ZFHX3: variants seen among roughly 807,000 people sequenced by gnomAD.
ZFHX3 encodes the protein zinc finger homeobox 3.
In ZFHX3, 42 loss-of-function variants were observed where a neutral mutation model predicts 279.1. The ratio of observed to expected loss-of-function variants is 0.15; its 90% CI spans 0.12 to 0.19. The LOEUF is 0.19. ZFHX3 is among the 10% of genes least tolerant of loss of function. ZFHX3 has a pLI of 1.00. For synonymous variants in ZFHX3, 2,293 were observed against 1,957.8 expected (o/e 1.17, Z -4.52); for missense variants, 4,981 against 4,754.0 (o/e 1.05, Z -1.40).
intron 4 of ZFHX3, among the ~76,000 whole-genome samples, chr16:73,275,304 A>G (rs2014264917): frequency 6.6e-6 from 1 of 152,160 alleles, no homozygotes; most frequent in Admixed American, 6.6e-5. Context: ...GTGTGAATTT[A>G]CCATGCCCTC....
chr16:72,835,838 G>T (rs2037178774), intron 4 of ZFHX3, among the ~76,000 whole-genome samples: 1 of 152,104 alleles, frequency 6.6e-6, no homozygotes, highest in Non-Finnish European at 1.5e-5. Flanking sequence ...TGGAAAACGA[G>T]GGCAGAACAC....
At chr16:73,183,912 A>G (rs1967854122) in intron 5 of ZFHX3, among the ~76,000 whole-genome samples, 1 of 152,012 alleles carries the variant, frequency 6.6e-6, no homozygotes, top group Admixed American at 6.5e-5. Context: ...GCCCTGGAAT[A>G]TCATGGCCTG....
intron 4 of ZFHX3, among the ~76,000 whole-genome samples, chr16:72,874,768 G>C (rs2038266032): frequency 6.6e-6 from 1 of 152,106 alleles, no homozygotes; most frequent in East Asian, 1.9e-4. Context: ...TGCTGGCATT[G>C]CCGGCGTAAG....
At chr16:73,637,461 G>A (rs1011642906) in intron 2 of ZFHX3, among the ~76,000 whole-genome samples, 2 of 151,966 alleles carry the variant, frequency 1.3e-5, no homozygotes, top group African/African-American at 4.8e-5. Context: ...TTGAACTCCT[G>A]ACCTCGGGTG....
intron 3 of ZFHX3, among the ~76,000 whole-genome samples, chr16:73,406,674 C>A (rs1302139336): frequency 6.6e-6 from 1 of 152,202 alleles, no homozygotes; most frequent in East Asian, 1.9e-4. Context: ...CTGCCCAAAT[C>A]CTGCCTGTAT....
At chr16:72,867,760 T>C (rs1403131549) in intron 4 of ZFHX3, among the ~76,000 whole-genome samples, 2 of 151,960 alleles carry the variant, frequency 1.3e-5, no homozygotes, top group East Asian at 3.9e-4. Flanking sequence ...GGATGCTGTC[T>C]GTGCCCAGGC....
chr16:73,373,142 T>TG (rs35207219), intron 3 of ZFHX3, among the ~76,000 whole-genome samples: 20 of 150,772 alleles, frequency 1.3e-4, no homozygotes, highest in East Asian at 5.9e-4. Flanking sequence ...TGAGGAGGTT[T>TG]GGGGGGGGGG....
intron 2 of ZFHX3, among the ~76,000 whole-genome samples, chr16:73,589,235 G>A (rs1294489957): frequency 8.0e-6 from 1 of 124,760 alleles, no homozygotes; most frequent in East Asian, 2.5e-4. Context: ...ACTCCAGCCT[G>A]GGCGACAGAG....
At chr16:73,296,877 A>ATGTTTTTTTTTTTTTTTTTTTTTT (rs755308796) in intron 4 of ZFHX3, among the ~76,000 whole-genome samples, 1 of 116,068 alleles carries the variant, frequency 8.6e-6, no homozygotes, top group African/African-American at 3.5e-5. Flanking sequence ...TGAAGCAGGA[A>ATGTTTTTTTTTTTTTTTTTTTTTT]TTTTTTTTTT....
At chr16:73,832,238 T>A (rs1350002589) in intron 1 of ZFHX3, among the ~76,000 whole-genome samples, 1 of 151,772 alleles carries the variant, frequency 6.6e-6, no homozygotes, top group East Asian at 1.9e-4. Flanking sequence ...CTTGAAGCCA[T>A]TGGTTTTTGA....
At chr16:73,394,652 A>T (rs1293559117) in intron 3 of ZFHX3, among the ~76,000 whole-genome samples, 2 of 152,180 alleles carry the variant, frequency 1.3e-5, no homozygotes, top group Non-Finnish European at 2.9e-5. Flanking sequence ...GGACAAAGAT[A>T]TGCTTGTAAT....
intron 2 of ZFHX3, among the ~76,000 whole-genome samples, chr16:73,553,100 C>G (rs989807074): frequency 4.6e-5 from 7 of 151,954 alleles, no homozygotes; most frequent in African/African-American, 1.7e-4. Flanking sequence ...CTCATTGGCT[C>G]CATGAGAAAA....
chr16:73,030,553 C>G (rs1432599881), intron 1 of ZFHX3, among the ~76,000 whole-genome samples: 1 of 151,986 alleles, frequency 6.6e-6, no homozygotes, highest in Non-Finnish European at 1.5e-5. Context: ...GGCAAAGTGT[C>G]TACAGCTCTA....
intron 1 of ZFHX3, among the ~76,000 whole-genome samples, chr16:72,965,378 G>C (rs1356589482): frequency 6.6e-6 from 1 of 152,160 alleles, no homozygotes; most frequent in Non-Finnish European, 1.5e-5. Context: ...ACAGTTCAAA[G>C]CAGACTGATT....
rs1252963662 is a variant in ZFHX3, at chr16:72,990,618, A to C, written c.-49-30424T>G. ...TCTTCTTTCCAGTTCTCCTCACTTT[A>C]AACGATTTTTGTCTAATAATGTACC... On this transcript the variant is annotated intron_variant, in intron 1 of 9. Coordinates refer to ENST00000268489, the MANE Select transcript of ZFHX3 (RefSeq NM_006885.4). 2.0e-5 allele frequency among the ~76,000 whole-genome samples: 3 copies of C among 152,176 alleles called. No individual in the cohort carries two copies. The South Asian group carries it at 6.2e-4, about 32-fold the overall frequency.
At chr16:72,882,975 GGGGTGTGTGTGT>G (rs1567563199) in intron 4 of ZFHX3, among the ~76,000 whole-genome samples, 3 of 113,430 alleles carry the variant, frequency 2.6e-5, no homozygotes, top group East Asian at 2.7e-4. Flanking sequence ...ACACCACTCT[GGGGTGTGTGTGT>G]GTGTGTGTGT....
At chr16:73,665,719 A>G (rs756652354) in intron 2 of ZFHX3, among the ~76,000 whole-genome samples, 1 of 151,306 alleles carries the variant, frequency 6.6e-6, no homozygotes, top group Non-Finnish European at 1.5e-5. Flanking sequence ...TTAAAACCCC[A>G]CATAAATAGA....
chr16:73,402,673 C>A (rs2017280659), intron 3 of ZFHX3, among the ~76,000 whole-genome samples: 1 of 152,174 alleles, frequency 6.6e-6, no homozygotes, highest in Non-Finnish European at 1.5e-5. Flanking sequence ...CACTCCTTAA[C>A]TTATAAGAGT....
intron 3 of ZFHX3, among the ~76,000 whole-genome samples, chr16:73,407,329 T>C (rs1296899210): frequency 2.0e-5 from 3 of 152,304 alleles, no homozygotes; most frequent in East Asian, 3.9e-4. Flanking sequence ...CCAAAACCGA[T>C]TGCATTGGAA....
Sources: allele counts gnomAD v4.1 joint callset (sites outside exome capture counted in the v4.1 genomes callset), GRCh38; gene constraint gnomAD v4.1.1; transcripts MANE v1.5; gene names NCBI Gene and HGNC (gene_info 2026-07-23, HGNC 2026-07-21).